The following ITGA11 variants were observed in gnomAD, a reference collection of about 807,000 sequenced individuals.
ITGA11 encodes integrin alpha-11.
ITGA11 carries 97 observed loss-of-function variants against 141.9 expected under a neutral mutation model. The observed-to-expected ratio is 0.68, with a 90% confidence interval of 0.58 to 0.81. The LOEUF is 0.81. ITGA11 is among the 30% of genes least tolerant of loss of function. The pLI, the probability that ITGA11 is intolerant of heterozygous loss-of-function variation, is 0.00. For synonymous variants in ITGA11, 658 were observed against 624.6 expected (o/e 1.05, Z -0.80); for missense variants, 1,387 against 1,559.2 (o/e 0.89, Z 1.86).
At chr15:68,421,762 G>A (rs978221898) in intron 1 of ITGA11, among the ~76,000 whole-genome samples, 16 of 152,008 alleles carry the variant, frequency 1.1e-4, no homozygotes, top group African/African-American at 3.4e-4. Flanking sequence ...ACAGATCTAC[G>A]CTGAAAAGAG....
At chr15:68,418,628 T>C (rs1189630458) in intron 1 of ITGA11, among the ~76,000 whole-genome samples, 1 of 136,616 alleles carries the variant, frequency 7.3e-6, no homozygotes, top group African/African-American at 2.7e-5. Flanking sequence ...CTGTTTACAT[T>C]GTAGTTGATG....
chr15:68,403,939 G>C (rs74812178), intron 1 of ITGA11, among the ~76,000 whole-genome samples: 3,647 of 152,048 alleles, frequency 0.024, 138 homozygotes, highest in African/African-American at 0.081. Flanking sequence ...TACATGGATA[G>C]GGGGGACATA....
chr15:68,410,704 C>T (rs1381346040), intron 1 of ITGA11, among the ~76,000 whole-genome samples: 1 of 152,180 alleles, frequency 6.6e-6, no homozygotes. Flanking sequence ...TTCAAAGAGG[C>T]ATCTAGGAAG....
At chr15:68,423,750 C>G (rs1210571338) in intron 1 of ITGA11, among the ~76,000 whole-genome samples, 2 of 152,156 alleles carry the variant, frequency 1.3e-5, no homozygotes, top group African/African-American at 4.8e-5. Flanking sequence ...CTGGGGACCT[C>G]AGGGAGGTCC....
chr15:68,398,821 T>C (rs1276443368), intron 2 of ITGA11, among the ~76,000 whole-genome samples: 2 of 10,114 alleles, frequency 2.0e-4, no homozygotes, highest in Admixed American at 2.1e-3. Context: ...TTTTTAATAG[T>C]ATAAAATATA....
chr15:68,347,726 C>T (rs1412904838), intron 10 of ITGA11, among the ~76,000 whole-genome samples: 4 of 152,200 alleles, frequency 2.6e-5, no homozygotes, highest in Non-Finnish European at 2.9e-5. Context: ...CAGCAGGTCA[C>T]TTAACCTTCT....
At position 68,311,030 on chromosome 15, in the gene ITGA11, G is replaced by T. The variant is rs757328117; in HGVS notation, c.3138C>A (p.Thr1046=). 1.2e-6 allele frequency: 2 copies of T among 1,607,068 alleles called. No individual in the cohort carries two copies. The highest frequency in any genetic ancestry group is 2.2e-5 in the East Asian group (1 of 44,654). ...CACGACGCAAGTCTTCCTCCACTGG[G>T]GTGGGCCGGTACTCAGTGCTATTGC... ...IWGNSTEYRP[T]PVEEDLRRAP... The change falls in exon 26 of 30, where the codon ACC becomes ACA. Residue 1046 remains threonine (T), a synonymous_variant. Coordinates refer to ENST00000315757, the MANE Select transcript of ITGA11 (RefSeq NM_001004439.2).
intron 11 of ITGA11, among the ~76,000 whole-genome samples, chr15:68,336,632 G>A (rs2140310822): frequency 6.6e-6 from 1 of 152,338 alleles, no homozygotes; most frequent in Admixed American, 6.5e-5. Context: ...GGCTCCAGCA[G>A]GTGTGGAAAG....
intron 2 of ITGA11, among the ~76,000 whole-genome samples, chr15:68,397,916 G>A (rs1004074911): frequency 2.0e-5 from 3 of 148,804 alleles, no homozygotes; most frequent in African/African-American, 7.4e-5. Context: ...CTTCATAAGC[G>A]AAGGAGAAAT....
At chr15:68,383,211 C>G (rs1895904263) in intron 2 of ITGA11, among the ~76,000 whole-genome samples, 1 of 151,026 alleles carries the variant, frequency 6.6e-6, no homozygotes, top group Non-Finnish European at 1.5e-5. Flanking sequence ...GCAGAGCTTA[C>G]AGTGAGCCGA....
At chr15:68,400,489 G>C (rs944347078) in intron 2 of ITGA11, among the ~76,000 whole-genome samples, 2 of 137,956 alleles carry the variant, frequency 1.4e-5, no homozygotes, top group African/African-American at 5.4e-5. Flanking sequence ...GCAAGCCATA[G>C]ACTGGGAACA....
intron 10 of ITGA11, among the ~76,000 whole-genome samples, chr15:68,347,721 G>A (rs1894782956): frequency 6.6e-6 from 1 of 152,154 alleles, no homozygotes; most frequent in Non-Finnish European, 1.5e-5. Flanking sequence ...TACTCCAGCA[G>A]GTCACTTAAC....
At chr15:68,313,660 A>G in intron 23 of ITGA11, 119 bp downstream of exon 23, 1 of 718,814 alleles carries the variant, frequency 1.4e-6, no homozygotes, top group Non-Finnish European at 2.4e-6. Flanking sequence ...CTCCATCCAT[A>G]GTCCCTTAGT....
chr15:68,394,144 C>T (rs1192606028), intron 2 of ITGA11, among the ~76,000 whole-genome samples: 2 of 152,132 alleles, frequency 1.3e-5, no homozygotes, highest in African/African-American at 4.8e-5. Context: ...AGCATACAAC[C>T]ATCCTAGCTT....
At position 68,379,781 on chromosome 15, in the gene ITGA11, T is replaced by C. The variant is rs553260887; in HGVS notation, c.165-10497A>G. On this transcript the variant is annotated intron_variant, in intron 2 of 29. Transcript: ENST00000315757. The stretch of plus-strand genomic sequence containing the variant: ...CAGAGGTTTTTTTCTTTCCACTTTA[T>C]AGCAGCTTTCTCCTCCAAAAATGAA... Among the ~76,000 whole-genome samples the C allele has an allele frequency of 3.9e-5, 6 of 152,352 alleles. No homozygotes were observed. In the South Asian group the frequency reaches 1.0e-3, roughly 26 times the overall value.
intron 2 of ITGA11, among the ~76,000 whole-genome samples, chr15:68,396,876 T>A (rs1258318687): frequency 1.5e-5 from 2 of 132,124 alleles, no homozygotes; most frequent in Non-Finnish European, 3.1e-5. Flanking sequence ...TATATTTATA[T>A]TAAATATAAC....
At chr15:68,404,767 C>G (rs890365548) in intron 1 of ITGA11, among the ~76,000 whole-genome samples, 1 of 152,062 alleles carries the variant, frequency 6.6e-6, no homozygotes. Context: ...ACACTTGGGA[C>G]GCATTAAATT....
chr15:68,329,049 G>A (rs1370114871), intron 15 of ITGA11, among the ~76,000 whole-genome samples: 1 of 152,198 alleles, frequency 6.6e-6, no homozygotes, highest in Non-Finnish European at 1.5e-5. Flanking sequence ...AGGTTTCATA[G>A]CTTCAACATG....
At chr15:68,372,421 G>T (rs1895617306) in intron 2 of ITGA11, among the ~76,000 whole-genome samples, 1 of 152,144 alleles carries the variant, frequency 6.6e-6, no homozygotes, top group Non-Finnish European at 1.5e-5. Flanking sequence ...TCCTGGCGTG[G>T]GCACCAGACG....
Sources: allele counts gnomAD v4.1 joint callset (sites outside exome capture counted in the v4.1 genomes callset), GRCh38; gene constraint gnomAD v4.1.1; transcripts MANE v1.5; gene names NCBI Gene and HGNC (gene_info 2026-07-23, HGNC 2026-07-21).